The following DIAPH2 variants were observed in gnomAD, a reference collection of about 807,000 sequenced individuals.
DIAPH2 encodes diaphanous related formin 2.
DIAPH2 carries 35 observed loss-of-function variants against 92.7 expected under a neutral mutation model. That is an observed-to-expected ratio of 0.38 (90% CI 0.29 to 0.50). The LOEUF is 0.50. DIAPH2 is among the 20% of genes least tolerant of loss of function. DIAPH2 has a pLI of 0.94. For synonymous variants in DIAPH2, 301 were observed against 280.4 expected (o/e 1.07, Z -0.73); for missense variants, 701 against 819.5 (o/e 0.86, Z 1.77).
At chrX:97,301,849 A>G (rs1444397650) in intron 23 of DIAPH2, among the ~76,000 whole-genome samples, 3 of 111,269 alleles carry the variant, frequency 2.7e-5, no homozygotes, top group African/African-American at 9.9e-5. Context: ...TAAGATCAAT[A>G]GAACTCAACA....
At chrX:97,473,570 C>T (rs1047829981) in intron 26 of DIAPH2, among the ~76,000 whole-genome samples, 5 of 111,505 alleles carry the variant, frequency 4.5e-5, no homozygotes, top group South Asian at 3.7e-4. Flanking sequence ...CTCCTGACCT[C>T]GTGATCTGCC....
At chrX:97,402,734 G>A (rs1363715218) in intron 25 of DIAPH2, among the ~76,000 whole-genome samples, 3 of 111,141 alleles carry the variant, frequency 2.7e-5, no homozygotes, top group Non-Finnish European at 5.6e-5. Context: ...GATGGAAAAA[G>A]TTAGTGCAGC....
At chrX:97,488,587 C>G (rs943973248) in intron 26 of DIAPH2, among the ~76,000 whole-genome samples, 1 of 111,575 alleles carries the variant, frequency 9.0e-6, no homozygotes, top group African/African-American at 3.3e-5. Context: ...TTAGGTCTTA[C>G]GTTTAAATCT....
chrX:97,566,484 T>C (rs1174820760), intron 26 of DIAPH2, among the ~76,000 whole-genome samples: 1 of 111,886 alleles, frequency 8.9e-6, no homozygotes, highest in Non-Finnish European at 1.9e-5. Flanking sequence ...GTGGAAAGCA[T>C]TTGCAGAGAG....
intron 17 of DIAPH2, among the ~76,000 whole-genome samples, chrX:97,041,897 G>A (rs770527501): frequency 1.8e-5 from 2 of 111,257 alleles, no homozygotes; most frequent in South Asian, 7.6e-4. Context: ...ATTAGTATAC[G>A]TTTTTGGTAG....
chrX:97,117,662 G>C (rs1442803595), intron 21 of DIAPH2, among the ~76,000 whole-genome samples: 1 of 112,130 alleles, frequency 8.9e-6, no homozygotes, highest in Non-Finnish European at 1.9e-5. Context: ...TTGTAGTAAG[G>C]TAATATAAAA....
chrX:97,421,432 C>T (rs1015976818), intron 25 of DIAPH2, among the ~76,000 whole-genome samples: 2 of 111,460 alleles, frequency 1.8e-5, no homozygotes, highest in African/African-American at 6.5e-5. Context: ...ACTTGCAGCA[C>T]GTTCTTAATC....
chrX:97,338,614 GTTC>G (rs2069086165), intron 23 of DIAPH2, among the ~76,000 whole-genome samples: 1 of 111,991 alleles, frequency 8.9e-6, no homozygotes, highest in African/African-American at 3.2e-5. Context: ...ATTTTTCCAT[GTTC>G]TTCAACAATC....
chrX:96,883,641 A>G (rs1167201050), intron 5 of DIAPH2, among the ~76,000 whole-genome samples: 1 of 110,060 alleles, frequency 9.1e-6, no homozygotes, highest in Non-Finnish European at 1.9e-5. Context: ...CAGCCTCCCA[A>G]AGTTCTGGGA....
chrX:96,874,631 A>G (rs2065166431), intron 4 of DIAPH2, among the ~76,000 whole-genome samples: 1 of 111,994 alleles, frequency 8.9e-6, no homozygotes, highest in African/African-American at 3.2e-5. Context: ...TTAGCCTTCA[A>G]TTGTCCGTAT....
At chrX:97,563,539 G>C (rs1191089067) in intron 26 of DIAPH2, among the ~76,000 whole-genome samples, 1 of 111,200 alleles carries the variant, frequency 9.0e-6, no homozygotes, top group African/African-American at 3.3e-5. Flanking sequence ...TTACTCTGAG[G>C]CCTCAATAAA....
intron 22 of DIAPH2, among the ~76,000 whole-genome samples, chrX:97,194,727 TAAAC>T (rs1295867119): frequency 8.9e-6 from 1 of 112,189 alleles, no homozygotes; most frequent in East Asian, 2.8e-4. Context: ...TATAAAATCA[TAAAC>T]AATTAAATGT....
intron 24 of DIAPH2, among the ~76,000 whole-genome samples, chrX:97,351,697 G>T (rs1265670871): frequency 1.8e-5 from 2 of 110,920 alleles, no homozygotes; most frequent in East Asian, 5.6e-4. Flanking sequence ...CAGCTACTCG[G>T]GAGGCTGAGG....
chrX:97,565,437 G>A (rs2071319947), intron 26 of DIAPH2, among the ~76,000 whole-genome samples: 1 of 112,039 alleles, frequency 8.9e-6, no homozygotes, highest in Non-Finnish European at 1.9e-5. Flanking sequence ...GATTCAAAAA[G>A]TTGTAATAAA....
At chrX:97,212,583 G>GTTTT (rs1491121001) in intron 22 of DIAPH2, among the ~76,000 whole-genome samples, 1 of 80,031 alleles carries the variant, frequency 1.2e-5, no homozygotes, top group East Asian at 4.0e-4. Context: ...GAATCTTAGG[G>GTTTT]TTTTTTGTTT....
chrX:97,459,420 TTCC>T (rs973262961), intron 26 of DIAPH2, among the ~76,000 whole-genome samples: 2 of 112,370 alleles, frequency 1.8e-5, no homozygotes, highest in African/African-American at 3.2e-5. Flanking sequence ...TAGTAGGATT[TTCC>T]TCGTGGGTGT....
At chrX:97,508,174 A>T (rs1306458785) in intron 26 of DIAPH2, among the ~76,000 whole-genome samples, 1 of 107,925 alleles carries the variant, frequency 9.3e-6, no homozygotes, top group Non-Finnish European at 1.9e-5. Context: ...TGTGAGATCT[A>T]AAAAAAAAAT....
chrX:97,242,442 C>A (rs1272921774), intron 22 of DIAPH2, among the ~76,000 whole-genome samples: 3 of 110,096 alleles, frequency 2.7e-5, no homozygotes, highest in African/African-American at 9.9e-5. Flanking sequence ...CGGCTCACTG[C>A]AACCTCTGTC....
chrX:97,467,880 A>G (rs941061612), intron 26 of DIAPH2, among the ~76,000 whole-genome samples: 4 of 111,495 alleles, frequency 3.6e-5, no homozygotes, highest in African/African-American at 1.3e-4. Flanking sequence ...TCCTGCTGGG[A>G]TTGGCCTGCA....
Sources: allele counts gnomAD v4.1 joint callset (sites outside exome capture counted in the v4.1 genomes callset), GRCh38; gene constraint gnomAD v4.1.1; transcripts MANE v1.5; gene names NCBI Gene and HGNC (gene_info 2026-07-23, HGNC 2026-07-21).